Variants in HNF4G observed in about 807,000 individuals in gnomAD.
HNF4G encodes hepatocyte nuclear factor 4 gamma, also known as hepatocyte nuclear factor 4-gamma.
HNF4G carries 21 observed loss-of-function variants against 50.9 expected under a neutral mutation model. The ratio of observed to expected loss-of-function variants is 0.41; its 90% CI spans 0.29 to 0.59. The LOEUF is 0.59. Among genes scored for constraint, HNF4G ranks in the 20% least tolerant of loss-of-function variants. HNF4G has a pLI of 0.26. For synonymous variants in HNF4G, 198 were observed against 185.6 expected, an observed-to-expected ratio of 1.07 and a Z score of -0.54; for missense variants, 527 against 559.4, an observed-to-expected ratio of 0.94 and a Z score of 0.58.
At position 75,559,116 on chromosome 8, in the gene HNF4G, A is replaced by G. The variant is rs1454698556; in HGVS notation, c.1123+79A>G. On this transcript the variant is annotated intron_variant, in intron 8 of 9. Coordinates refer to ENST00000396423, the MANE Select transcript of HNF4G (RefSeq NM_004133.5). ...GTTTGACCTACTGATTTTTTTGTCC[A>G]TATTTAATTCATCTACTGAAGTTGC... is the stretch of plus-strand genomic sequence containing the variant. The G allele has an allele frequency of 2.0e-5, 19 of 968,552 alleles. No individual in the cohort carries two copies. The East Asian group carries it at 3.8e-4, about 19-fold the overall frequency. The allele number at this position is 968,552 out of a possible 1,614,324, so 60.0% of individuals were successfully genotyped here.
At chr8:75,496,818 A>G (rs1430423281) in intron 2 of HNF4G, among the ~76,000 whole-genome samples, 1 of 151,786 alleles carries the variant, frequency 6.6e-6, no homozygotes, top group Non-Finnish European at 1.5e-5. Flanking sequence ...ATATATATAT[A>G]TATGGCATTA....
chr8:75,461,125 G>A (rs1028387176), intron 1 of HNF4G, among the ~76,000 whole-genome samples: 5 of 152,120 alleles, frequency 3.3e-5, no homozygotes, highest in African/African-American at 1.2e-4. Flanking sequence ...TATTTCTGCT[G>A]TCACAAATTA....
intron 2 of HNF4G, among the ~76,000 whole-genome samples, chr8:75,506,138 C>T (rs1374182193): frequency 6.6e-6 from 1 of 151,940 alleles, no homozygotes; most frequent in Non-Finnish European, 1.5e-5. Flanking sequence ...TTCTTTCTAT[C>T]TCTTCATACC....
chr8:75,501,246 C>G (rs1019079168), intron 2 of HNF4G, among the ~76,000 whole-genome samples: 6 of 151,870 alleles, frequency 4.0e-5, no homozygotes, highest in African/African-American at 1.2e-4. Context: ...TTGAGACCAG[C>G]CTGGGCAAGA....
At chr8:75,549,202 G>A (rs1453177478) in intron 3 of HNF4G, among the ~76,000 whole-genome samples, 1 of 152,138 alleles carries the variant, frequency 6.6e-6, no homozygotes, top group South Asian at 2.1e-4. Flanking sequence ...GTAATTTCAA[G>A]TTTTAAAGTT....
chr8:75,442,451 A>C (rs950186311), intron 1 of HNF4G, among the ~76,000 whole-genome samples: 2 of 152,132 alleles, frequency 1.3e-5, no homozygotes, highest in Non-Finnish European at 2.9e-5. Flanking sequence ...GCTCATGCCT[A>C]TAATCTCAGC....
At chr8:75,430,276 C>T (rs1174985161) in intron 1 of HNF4G, among the ~76,000 whole-genome samples, 1 of 152,066 alleles carries the variant, frequency 6.6e-6, no homozygotes, top group Non-Finnish European at 1.5e-5. Flanking sequence ...CTGAAACAGA[C>T]ATTTTCTCTG....
chr8:75,417,052 ATATT>A (rs1481396306), intron 1 of HNF4G, among the ~76,000 whole-genome samples: 1 of 152,322 alleles, frequency 6.6e-6, no homozygotes, highest in East Asian at 1.9e-4. Context: ...ATATTTCTAT[ATATT>A]TATTCCGATT....
In HNF4G at chr8:75,565,907, G is replaced by A. The variant is rs1807450225; in HGVS notation, c.*1811G>A. ...AACTGTAAAATATATCATATGGGGGGAGTTTTTTAACTCTTATTTTTTGAA... is the reference window on the plus strand; with the variant it reads ...AACTGTAAAATATATCATATGGGGGAAGTTTTTTAACTCTTATTTTTTGAA... On this transcript the variant is annotated 3_prime_UTR_variant, in exon 10 of 10. Coordinates refer to ENST00000396423, the MANE Select transcript of HNF4G (RefSeq NM_004133.5). 1 of 152,012 alleles carries A rather than the reference G, an allele frequency of 6.6e-6. No individual in the cohort carries two copies. Among genetic ancestry groups the A allele is most frequent in the Non-Finnish European group, 1.5e-5 (1 of 68,030 alleles). 9.4% of individuals were successfully genotyped at this position (152,012 alleles called of 1,614,324 possible). A position where few individuals can be genotyped will look rare whatever the true frequency, so the allele number is the denominator to read the frequency against.
At chr8:75,467,440 T>C (rs1391186184) in intron 1 of HNF4G, among the ~76,000 whole-genome samples, 1 of 152,150 alleles carries the variant, frequency 6.6e-6, no homozygotes, top group African/African-American at 2.4e-5. Flanking sequence ...GGCAGGCAGA[T>C]CACGAGGTCA....
chr8:75,529,016 G>A (rs552895716), intron 2 of HNF4G, among the ~76,000 whole-genome samples: 2 of 152,230 alleles, frequency 1.3e-5, no homozygotes, highest in African/African-American at 4.8e-5. Flanking sequence ...GCCGGGCGCG[G>A]TGGCTAACGC....
intron 2 of HNF4G, among the ~76,000 whole-genome samples, chr8:75,514,706 G>A (rs889326068): frequency 7.2e-5 from 11 of 151,994 alleles, no homozygotes; most frequent in African/African-American, 2.7e-4. Context: ...AATAAATAAA[G>A]CAGGGTTTTG....
At chr8:75,443,739 A>G (rs1811348510) in intron 1 of HNF4G, among the ~76,000 whole-genome samples, 1 of 152,202 alleles carries the variant, frequency 6.6e-6, no homozygotes, top group East Asian at 1.9e-4. Flanking sequence ...TATATTGTGT[A>G]CATTCTTCTA....
intron 4 of HNF4G, among the ~76,000 whole-genome samples, chr8:75,552,813 T>C (rs535476716): frequency 6.6e-5 from 10 of 152,250 alleles, no homozygotes; most frequent in African/African-American, 2.4e-4. Context: ...AGGATGGTGC[T>C]ATATATATGA....
chr8:75,479,677 C>T (rs955699787), intron 1 of HNF4G, among the ~76,000 whole-genome samples: 2 of 149,496 alleles, frequency 1.3e-5, no homozygotes, highest in African/African-American at 4.9e-5. Context: ...AAATTAGAAA[C>T]TGGATAACAA....
rs142078812 is a variant in HNF4G, at chr8:75,486,344, T to C, written c.-143-3745T>C. Among the ~76,000 whole-genome samples the C allele has an allele frequency of 5.6e-4, 85 of 152,344 alleles. 1 individual carries two copies. Among genetic ancestry groups the C allele is most frequent in the African/African-American group, 1.9e-3 (81 of 41,578 alleles). On this transcript the variant is annotated intron_variant, in intron 1 of 10. Transcript: ENST00000354370. ...CTTATAGAGACCTCAACATGCTTTC[T>C]GGTTGAACCTTAGCAGTACCTTTTG...
At chr8:75,520,851 A>G (rs1422347145) in intron 2 of HNF4G, among the ~76,000 whole-genome samples, 1 of 152,046 alleles carries the variant, frequency 6.6e-6, no homozygotes, top group Non-Finnish European at 1.5e-5. Context: ...TTCTGACAAA[A>G]CTTATTTTTC....
chr8:75,508,746 T>C (rs1219546698), intron 2 of HNF4G, among the ~76,000 whole-genome samples: 2 of 152,062 alleles, frequency 1.3e-5, no homozygotes, highest in Admixed American at 6.6e-5. Context: ...AGAGAAAACA[T>C]GAGCTGAGAA....
chr8:75,500,190 C>T (rs1812889652), intron 2 of HNF4G, among the ~76,000 whole-genome samples: 2 of 152,016 alleles, frequency 1.3e-5, no homozygotes, highest in African/African-American at 4.8e-5. Context: ...ACAATGAAAA[C>T]TCAATCAAAA....
Sources: allele counts gnomAD v4.1 joint callset (sites outside exome capture counted in the v4.1 genomes callset), GRCh38; gene constraint gnomAD v4.1.1; transcripts MANE v1.5; gene names NCBI Gene and HGNC (gene_info 2026-07-23, HGNC 2026-07-21).